The following AGPAT4 variants were observed in gnomAD, a reference collection of about 807,000 sequenced individuals.
AGPAT4 encodes 1-acyl-sn-glycerol-3-phosphate acyltransferase delta.
In AGPAT4, 15 loss-of-function variants were observed where a neutral mutation model predicts 48.0. The ratio of observed to expected loss-of-function variants is 0.31; its 90% CI spans 0.21 to 0.48. The LOEUF is 0.48. Ranked by LOEUF, AGPAT4 falls within the 20% of genes least tolerant of loss-of-function variation. The pLI, the probability that AGPAT4 is intolerant of heterozygous loss-of-function variation, is 0.99. For synonymous variants in AGPAT4, 178 were observed against 198.7 expected, an observed-to-expected ratio of 0.90 and a Z score of 0.88; for missense variants, 314 against 482.5, an observed-to-expected ratio of 0.65 and a Z score of 3.27.
Position 161,202,450 on chromosome 6 carries a change from C to T in AGPAT4, c.178+29586G>A, listed in dbSNP as rs529069008. Reference sequence around the variant, plus strand: ...GGAAACCAGGCAGAAGCTATGGCCTCACCTTGAAAGTTACAAAGCACCATT... The same window carrying T: ...GGAAACCAGGCAGAAGCTATGGCCTTACCTTGAAAGTTACAAAGCACCATT... On this transcript the variant is annotated intron_variant, in intron 2 of 8. Transcript: ENST00000320285. This position sits in a 1 kb window ranked among gnomAD's most constrained non-coding sequence, Gnocchi z 5.4. Among the ~76,000 whole-genome samples, 8 of 152,190 alleles carry T rather than the reference C, an allele frequency of 5.3e-5. No homozygotes were observed. Among genetic ancestry groups the T allele is most frequent in the South Asian group, 2.1e-4 (1 of 4,818 alleles).
At position 161,202,044 on chromosome 6, in the gene AGPAT4, C is replaced by G. The variant is rs1296684752; in HGVS notation, c.178+29992G>C. ...AGTCTACCTGACCCGGGAACCTGGA[C>G]AAGGTGGCTCTCATATATACACCCA... On this transcript the variant is annotated intron_variant, in intron 2 of 8. Coordinates refer to ENST00000320285, the MANE Select transcript of AGPAT4 (RefSeq NM_020133.3). This position sits in a 1 kb window ranked among gnomAD's most constrained non-coding sequence, Gnocchi z 5.4. Among the ~76,000 whole-genome samples the G allele has an allele frequency of 1.3e-5, 2 of 152,216 alleles. No individual in the cohort carries two copies. Among genetic ancestry groups the G allele is most frequent in the Admixed American group, 1.3e-4 (2 of 15,286 alleles).
In AGPAT4 at chr6:161,233,856, CAT is replaced by C. The variant is rs1389656154; in HGVS notation, c.-89-1556_-89-1555del. 6.6e-6 allele frequency among the ~76,000 whole-genome samples: 1 copy of C among 152,198 alleles called. No individual in the cohort carries two copies. Among genetic ancestry groups the C allele is most frequent in the African/African-American group, 2.4e-5 (1 of 41,440 alleles). ...GAGGGGCATCTGTAAGAGTTTCACA[CAT>C]GTGATCTCATTTTAAGGCTCCTATG... On this transcript the variant is annotated intron_variant, in intron 1 of 8. Coordinates refer to ENST00000320285, the MANE Select transcript of AGPAT4 (RefSeq NM_020133.3). This position sits in a 1 kb window ranked among gnomAD's most constrained non-coding sequence, Gnocchi z 5.4.
At chr6:161,194,534 CTATG>C (rs1293648689) in intron 2 of AGPAT4, among the ~76,000 whole-genome samples, 85 of 148,956 alleles carry the variant, frequency 5.7e-4, no homozygotes, top group African/African-American at 2.0e-3. Context: ...GTCTGTGTGT[CTATG>C]TGTGTATGTG....
rs1780210985 is a variant in AGPAT4 at position 161,169,750 on chromosome 6, T to C, written c.179-3333A>G. Among the ~76,000 whole-genome samples the C allele has an allele frequency of 6.6e-6, 1 of 152,174 alleles. No individual in the cohort carries two copies. Among genetic ancestry groups the C allele is most frequent in the African/African-American group, 2.4e-5 (1 of 41,430 alleles). Reference sequence around the variant, plus strand: ...AAGTATGTACAAGAAAATATAAAATTCCTCTAACTAGCTTCAGGATGTGTT... The same window carrying C: ...AAGTATGTACAAGAAAATATAAAATCCCTCTAACTAGCTTCAGGATGTGTT... On this transcript the variant is annotated intron_variant, in intron 2 of 8. Coordinates refer to ENST00000320285, the MANE Select transcript of AGPAT4 (RefSeq NM_020133.3). This position sits in a 1 kb window ranked among gnomAD's most constrained non-coding sequence, Gnocchi z 5.0.
rs1197609270 is a variant in AGPAT4 at position 161,137,588 on chromosome 6, T to G, written c.1043-954A>C. ...ACAGTAACAGTGAGAGTGGAGTTAT[T>G]GTAGAGCAGAAAGAAGTGAGTAAAA... On this transcript the variant is annotated intron_variant, in intron 8 of 8. Coordinates refer to ENST00000320285, the MANE Select transcript of AGPAT4 (RefSeq NM_020133.3). This position sits in a 1 kb window ranked among gnomAD's most constrained non-coding sequence, Gnocchi z 6.1. 6.6e-6 allele frequency among the ~76,000 whole-genome samples: 1 copy of G among 152,170 alleles called. No homozygotes were observed. Among genetic ancestry groups the G allele is most frequent in the Non-Finnish European group, 1.5e-5 (1 of 68,034 alleles).
intron 1 of AGPAT4, among the ~76,000 whole-genome samples, chr6:161,252,984 G>A (rs1782844159): frequency 6.6e-6 from 1 of 151,976 alleles, no homozygotes; most frequent in African/African-American, 2.4e-5. Context: ...GAGAGGCCAA[G>A]GCAGGCAGAT....
chr6:161,153,251 G>C, intron 5 of AGPAT4, 95 bp downstream of exon 5: 1 of 1,473,404 alleles, frequency 6.8e-7, no homozygotes, highest in South Asian at 1.3e-5. Context: ...AGTCAGCTGG[G>C]AAGTGCTGGC....
chr6:161,250,768 CT>C (rs1402405100), intron 1 of AGPAT4, among the ~76,000 whole-genome samples: 1 of 152,092 alleles, frequency 6.6e-6, no homozygotes, highest in Non-Finnish European at 1.5e-5. Flanking sequence ...ACCCATTTCA[CT>C]ACATGTTTGT....
At chr6:161,248,721 A>G (rs73019321) in intron 1 of AGPAT4, among the ~76,000 whole-genome samples, 6,718 of 151,102 alleles carry the variant, frequency 0.044, 265 homozygotes, top group East Asian at 0.22. Flanking sequence ...GGAAGAATCA[A>G]TATCGTTAAA....
chr6:161,234,791 C>G lies in AGPAT4; in HGVS notation c.-89-2489G>C, dbSNP rs1782225359. Among the ~76,000 whole-genome samples the G allele has an allele frequency of 6.6e-6, 1 of 152,068 alleles. No individual in the cohort carries two copies. The highest frequency in any genetic ancestry group is 6.5e-5 in the Admixed American group (1 of 15,280). On this transcript the variant is annotated intron_variant, in intron 1 of 8. Coordinates refer to ENST00000320285, the MANE Select transcript of AGPAT4 (RefSeq NM_020133.3). The surrounding 1 kb of genome is among the most constrained non-coding windows in gnomAD (Gnocchi z 4.4). ...TTCTACACTAAGAAAAGGAAGCCAG[C>G]TGACATCGGAAATGCAGGGGGTTAA...
intron 2 of AGPAT4, among the ~76,000 whole-genome samples, chr6:161,186,340 C>T (rs3798927): frequency 0.36 from 55,346 of 152,018 alleles, 10,616 homozygotes; most frequent in East Asian, 0.71. Context: ...ACCCTGCCAC[C>T]TCCCTGCTGT....
intron 2 of AGPAT4, among the ~76,000 whole-genome samples, chr6:161,185,283 C>T (rs1275965526): frequency 2.4e-3 from 262 of 109,202 alleles, no homozygotes; most frequent in African/African-American, 8.1e-3. Flanking sequence ...TTTAAGATGT[C>T]TTTTTTTTTT....
In AGPAT4 at chr6:161,221,937, C is replaced by G. The variant is rs1164323152; in HGVS notation, c.178+10099G>C. Among the ~76,000 whole-genome samples the G allele has an allele frequency of 6.6e-6, 1 of 152,234 alleles. No homozygotes were observed. The highest frequency in any genetic ancestry group is 1.9e-4 in the East Asian group (1 of 5,202). On this transcript the variant is annotated intron_variant, in intron 2 of 8. Transcript: ENST00000320285. The surrounding 1 kb of genome is among the most constrained non-coding windows in gnomAD (Gnocchi z 4.5). Reference sequence around the variant, plus strand: ...CATCTATGAAGACTCTATTTCCAAACAAGTTCACATTCACAAGCACTGGGC... The same window carrying G: ...CATCTATGAAGACTCTATTTCCAAAGAAGTTCACATTCACAAGCACTGGGC...
Position 161,258,343 on chromosome 6 carries a change from G to C in AGPAT4, c.-90+15595C>G, listed in dbSNP as rs544137762. Among the ~76,000 whole-genome samples, 56 of 152,148 alleles carry C rather than the reference G, an allele frequency of 3.7e-4. No homozygotes were observed. The South Asian group carries it at 0.011, about 31-fold the overall frequency. On this transcript the variant is annotated intron_variant, in intron 1 of 8. Transcript: ENST00000320285. ...ATTTGAAAACAAATTTCCTGCAAAC[G>C]GGTTGGCAGATTCTCCAAATACCTG...
In AGPAT4 at chr6:161,145,096, G is replaced by A. The variant is rs534976198; in HGVS notation, c.843+1428C>T. On this transcript the variant is annotated intron_variant, in intron 7 of 8. Transcript: ENST00000320285. Reference sequence around the variant, plus strand: ...AAAACAGAAGGGGGAAATTCATATGGTTTTCTGTTTCTCTGTCGGGGCACA... The same window carrying A: ...AAAACAGAAGGGGGAAATTCATATGATTTTCTGTTTCTCTGTCGGGGCACA... Among the ~76,000 whole-genome samples the A allele has an allele frequency of 2.7e-3, 415 of 151,852 alleles. 2 individuals carry two copies. The highest frequency in any genetic ancestry group is 3.2e-3 in the Non-Finnish European group (218 of 68,034).
chr6:161,165,542 T>C lies in AGPAT4; in HGVS notation c.348+706A>G, dbSNP rs1232692531. The C allele has an allele frequency of 1.3e-5, 16 of 1,239,420 alleles. No homozygotes were observed. Among genetic ancestry groups the C allele is most frequent in the Non-Finnish European group, 1.6e-5 (15 of 955,224 alleles). The allele number at this position is 1,239,420 out of a possible 1,614,324, so 76.8% of individuals were successfully genotyped here. A position where few individuals can be genotyped will look rare whatever the true frequency, so the allele number is the denominator to read the frequency against. ...AGGACCTTTCCTAGCCCCAGACCAA[T>C]GTACACTGTGTACACTGTGATTCCT... On this transcript the variant is annotated intron_variant, in intron 3 of 8. Coordinates refer to ENST00000320285, the MANE Select transcript of AGPAT4 (RefSeq NM_020133.3). The surrounding 1 kb of genome is among the most constrained non-coding windows in gnomAD (Gnocchi z 5.5).
Position 161,218,203 on chromosome 6 carries a change from T to C in AGPAT4, c.178+13833A>G, listed in dbSNP as rs990263506. 2.0e-5 allele frequency among the ~76,000 whole-genome samples: 3 copies of C among 152,044 alleles called. No individual in the cohort carries two copies. The highest frequency in any genetic ancestry group is 4.4e-5 in the Non-Finnish European group (3 of 68,004). On this transcript the variant is annotated intron_variant, in intron 2 of 8. Transcript: ENST00000320285. This position sits in a 1 kb window ranked among gnomAD's most constrained non-coding sequence, Gnocchi z 4.7. The stretch of plus-strand genomic sequence containing the variant: ...GTGCCAATGGTGCTGTGCTGGAAAA[T>C]GGTTAACAACCAGCTCTTGTGTGGC...
chr6:161,191,298 C>T (rs753059809), intron 2 of AGPAT4, among the ~76,000 whole-genome samples: 1 of 152,216 alleles, frequency 6.6e-6, no homozygotes, highest in Non-Finnish European at 1.5e-5. Flanking sequence ...TCACATCCCA[C>T]ACTCTAACCC....
In AGPAT4 at chr6:161,165,495, C is replaced by G; in HGVS notation, c.348+753G>C. 1.1e-6 allele frequency: 1 copy of G among 940,638 alleles called. No individual in the cohort carries two copies. Among genetic ancestry groups the G allele is most frequent in the Non-Finnish European group, 1.4e-6 (1 of 724,082 alleles). 58.3% of individuals were successfully genotyped at this position (940,638 alleles called of 1,614,324 possible). A position where few individuals can be genotyped will look rare whatever the true frequency, so the allele number is the denominator to read the frequency against. On this transcript the variant is annotated intron_variant, in intron 3 of 8. Transcript: ENST00000320285. The surrounding 1 kb of genome is among the most constrained non-coding windows in gnomAD (Gnocchi z 5.5). The stretch of plus-strand genomic sequence containing the variant: ...TGTTCCCAGGTGCAAAACCTGATCT[C>G]TAAGTTCTGGTGCAAACTCTTAGGA...
Sources: allele counts gnomAD v4.1 joint callset (sites outside exome capture counted in the v4.1 genomes callset), GRCh38; gene constraint gnomAD v4.1.1; non-coding constraint Gnocchi (gnomAD v3.1); transcripts MANE v1.5; gene names NCBI Gene and HGNC (gene_info 2026-07-23, HGNC 2026-07-21).